C12orf42: variants seen among roughly 807,000 people sequenced by gnomAD.
C12orf42 encodes chromosome 12 open reading frame 42.
C12orf42 carries 25 observed loss-of-function variants against 21.6 expected under a neutral mutation model. The observed-to-expected ratio is 1.16, with a 90% CI of 0.84 to 1.62. The LOEUF (loss-of-function observed/expected upper bound fraction) is 1.62. Among genes scored for constraint, C12orf42 ranks in the 40% most tolerant of loss-of-function variants. The pLI is 0.00. For synonymous variants in C12orf42, 174 were observed against 175.0 expected (o/e 0.99, Z 0.05); for missense variants, 483 against 459.3 (o/e 1.05, Z -0.47).
the C12orf42 span, among the ~76,000 whole-genome samples, chr12:103,523,994 T>C: frequency 3.3e-5 from 5 of 152,272 alleles, no homozygotes; most frequent in African/African-American, 9.6e-5. Context: ...CTGTACACTT[T>C]GGGTAAAGCA....
chr12:103,401,810 C>G (rs571173821), intron 2 of C12orf42, 135 bp from the exon 3 acceptor site: 72 of 779,824 alleles, frequency 9.2e-5, no homozygotes, highest in Non-Finnish European at 1.4e-4. Flanking sequence ...ACTGAGTACC[C>G]GATATTGCCC....
At chr12:103,491,673 C>A (rs2138196063) in intron 1 of C12orf42, among the ~76,000 whole-genome samples, 1 of 152,348 alleles carries the variant, frequency 6.6e-6, no homozygotes. Context: ...ATTATTTCTA[C>A]CCCCAGATCC....
At chr12:103,268,594 T>C (rs1335694792) in exon 7 of C12orf42, 1 of 152,056 alleles carries the variant, frequency 6.6e-6, no homozygotes, top group Non-Finnish European at 1.5e-5. Flanking sequence ...AAGCAAGATT[T>C]GGTTGCATTA....
chr12:103,295,800 A>T (rs929916201), intron 4 of C12orf42, among the ~76,000 whole-genome samples: 3 of 152,206 alleles, frequency 2.0e-5, no homozygotes, highest in Non-Finnish European at 4.4e-5. Flanking sequence ...CTTTCATTTT[A>T]TAGCAAATTT....
At chr12:103,506,847 A>T in the C12orf42 span, among the ~76,000 whole-genome samples, 178 of 77,050 alleles carry the variant, frequency 2.3e-3, 10 homozygotes, top group African/African-American at 5.9e-3. Context: ...ATATATATAT[A>T]TATTTATATA....
intron 4 of C12orf42, among the ~76,000 whole-genome samples, chr12:103,320,335 A>C (rs555102330): frequency 8.5e-5 from 13 of 152,346 alleles, no homozygotes; most frequent in African/African-American, 3.1e-4. Context: ...TCCTTCTAAT[A>C]GGCATAATTT....
chr12:103,388,835 C>G (rs907480513), intron 3 of C12orf42, among the ~76,000 whole-genome samples: 1 of 152,214 alleles, frequency 6.6e-6, no homozygotes, highest in Non-Finnish European at 1.5e-5. Context: ...TGCTCTGCCT[C>G]CTCCGCCTCC....
intron 2 of C12orf42, among the ~76,000 whole-genome samples, chr12:103,439,383 C>T (rs2139516069): frequency 6.6e-6 from 1 of 150,590 alleles, no homozygotes; most frequent in South Asian, 2.1e-4. Context: ...AAAGCAATGG[C>T]AACAAAAGAC....
chr12:103,305,153 G>T (rs1392782532), intron 5 of C12orf42, among the ~76,000 whole-genome samples: 1 of 152,134 alleles, frequency 6.6e-6, no homozygotes, highest in African/African-American at 2.4e-5. Context: ...TTTGTGTTGG[G>T]CCACATATAA....
chr12:103,499,362 G>A (rs561078822), upstream of C12orf42, among the ~76,000 whole-genome samples: 47 of 152,306 alleles, frequency 3.1e-4, no homozygotes, highest in Admixed American at 1.3e-3. Flanking sequence ...CATTGTACAC[G>A]TTAAATGTAG....
chr12:103,175,023 T>G, the C12orf42 span, among the ~76,000 whole-genome samples: 7 of 152,334 alleles, frequency 4.6e-5, no homozygotes, highest in Non-Finnish European at 8.8e-5. Flanking sequence ...ATAAAAATAC[T>G]AATTACTGAT....
the C12orf42 span, among the ~76,000 whole-genome samples, chr12:103,126,811 A>T: frequency 6.6e-6 from 1 of 152,232 alleles, no homozygotes; most frequent in Non-Finnish European, 1.5e-5. Context: ...ACAACTAAAA[A>T]TAGGATCAAG....
chr12:103,483,966 C>A (rs1486447581), intron 1 of C12orf42, among the ~76,000 whole-genome samples: 1 of 152,134 alleles, frequency 6.6e-6, no homozygotes, highest in African/African-American at 2.4e-5. Flanking sequence ...CCAGCTTCAC[C>A]CACATCCCAG....
At chr12:103,264,320 TC>T (rs1316293491), downstream of C12orf42, among the ~76,000 whole-genome samples, 1 of 150,010 alleles carries the variant, frequency 6.7e-6, no homozygotes, top group Non-Finnish European at 1.5e-5. Context: ...AAATAAATAT[TC>T]TCCCTAAGCA....
At chr12:103,091,367 T>C in the C12orf42 span, among the ~76,000 whole-genome samples, 2 of 149,708 alleles carry the variant, frequency 1.3e-5, no homozygotes, top group African/African-American at 2.5e-5. Flanking sequence ...GTGAAGTTTT[T>C]TCCCCCTCTT....
chr12:103,241,768 C>A (rs2033758695), intron 10 of C12orf42, among the ~76,000 whole-genome samples: 1 of 152,150 alleles, frequency 6.6e-6, no homozygotes, highest in African/African-American at 2.4e-5. Context: ...GAGGCACAGA[C>A]AACATGGCTT....
At chr12:103,528,796 A>C in the C12orf42 span, among the ~76,000 whole-genome samples, 1 of 152,210 alleles carries the variant, frequency 6.6e-6, no homozygotes, top group Admixed American at 6.5e-5. Context: ...ACACCAAATG[A>C]AGACACCAAC....
the C12orf42 span, among the ~76,000 whole-genome samples, chr12:103,553,352 C>T: frequency 2.6e-5 from 4 of 152,104 alleles, no homozygotes; most frequent in African/African-American, 4.8e-5. Flanking sequence ...GACTCGCAGG[C>T]TCACTTAGTT....
At chr12:103,164,346 T>C in the C12orf42 span, 21 of 453,294 alleles carry the variant, frequency 4.6e-5, no homozygotes, top group African/African-American at 2.0e-5. Flanking sequence ...GACTCTCCTA[T>C]CCCCTTTCAT....
Sources: allele counts gnomAD v4.1 joint callset (sites outside exome capture counted in the v4.1 genomes callset), GRCh38; gene constraint gnomAD v4.1.1; transcripts MANE v1.5; gene names NCBI Gene and HGNC (gene_info 2026-07-23, HGNC 2026-07-21).